PZP: variants seen among roughly 807,000 people sequenced by gnomAD.
The protein encoded by PZP is pregnancy zone protein.
PZP carries 150 observed loss-of-function variants against 179.8 expected under a neutral mutation model. The observed-to-expected ratio is 0.83, with a 90% confidence interval of 0.73 to 0.96. The LOEUF (loss-of-function observed/expected upper bound fraction) is 0.96, where lower values mean the gene tolerates loss of function less well. Ranked by LOEUF, PZP falls within the 40% of genes least tolerant of loss-of-function variation. PZP has a pLI of 0.00. For missense variants in PZP, 1,689 were observed against 1,764.0 expected (o/e 0.96, Z 0.76); for synonymous variants, 624 against 652.3 (o/e 0.96, Z 0.66).
intron 15 of PZP, among the ~76,000 whole-genome samples, chr12:9,174,333 G>A (rs1034020071): frequency 1.3e-5 from 2 of 151,764 alleles, no homozygotes; most frequent in Admixed American, 1.3e-4. Context: ...TACCTCATAA[G>A]AGCCATATAT....
chr12:9,199,621 GA>G (rs1195931472), intron 7 of PZP, among the ~76,000 whole-genome samples: 1 of 152,082 alleles, frequency 6.6e-6, no homozygotes, highest in East Asian at 1.9e-4. Context: ...AAGACTTCTA[GA>G]GGCCAACTGA....
intron 25 of PZP, 26 bp from the exon 26 acceptor site, chr12:9,158,602 G>A (rs1434182025): frequency 6.2e-7 from 1 of 1,611,190 alleles, no homozygotes; most frequent in Non-Finnish European, 8.5e-7. Context: ...ATGCAGTGCT[G>A]AGGCTCTTTT....
chr12:9,195,163 A>C (rs957111166), intron 10 of PZP, among the ~76,000 whole-genome samples: 8 of 152,192 alleles, frequency 5.3e-5, no homozygotes, highest in African/African-American at 1.9e-4. Context: ...TTGGATCTTC[A>C]AAAATTATTT....
At chr12:9,196,944 A>G in intron 8 of PZP, 68 bp downstream of exon 8, 2 of 1,205,694 alleles carry the variant, frequency 1.7e-6, no homozygotes, top group Non-Finnish European at 2.4e-6. Context: ...CCCTCTTTCT[A>G]GTTAGTAAAA....
At chr12:9,172,427 C>T (rs1255518618) in intron 15 of PZP, among the ~76,000 whole-genome samples, 1 of 152,082 alleles carries the variant, frequency 6.6e-6, no homozygotes, top group Non-Finnish European at 1.5e-5. Flanking sequence ...GAAGCAATCA[C>T]ATAAACAAGT....
chr12:9,196,252 G>A (rs777860769), intron 10 of PZP, 78 bp downstream of exon 10: 23 of 951,776 alleles, frequency 2.4e-5, no homozygotes, highest in Admixed American at 6.1e-5. Flanking sequence ...CACTAACCAA[G>A]TGTGGGCTGC....
Position 9,192,648 on chromosome 12 carries a change from G to T in PZP, c.1346C>A (p.Ser449Tyr). The change falls in exon 12 of 36, where the codon TCC (serine) becomes TAC (tyrosine). Residue 449 changes from serine to tyrosine, a missense_variant. By Grantham distance (144) the Ser-to-Tyr change is moderately radical (BLOSUM62 -2). Around this residue, in one of 3 missense-constraint regions of PZP, gnomAD observed 742 missense variants for 730.5 expected, o/e 1.02. Coordinates refer to ENST00000261336, the MANE Select transcript of PZP (RefSeq NM_002864.3). ...GAQHTANRVF[S>Y]LSGSYIHLEP... ...CAGGTGAATGTAACTTCCACTTAAGGAGAAAACACGATTTGCAGTGTGCTG... is the reference window on the plus strand; with the variant it reads ...CAGGTGAATGTAACTTCCACTTAAGTAGAAAACACGATTTGCAGTGTGCTG... The T allele has an allele frequency of 6.2e-7, 1 of 1,614,084 alleles. No homozygotes were observed. Among genetic ancestry groups the T allele is most frequent in the Non-Finnish European group, 8.5e-7 (1 of 1,179,930 alleles).
At chr12:9,200,860 G>A (rs1444013741) in intron 6 of PZP, 32 bp downstream of exon 6, 2 of 1,589,748 alleles carry the variant, frequency 1.3e-6, no homozygotes, top group Admixed American at 3.6e-5. Flanking sequence ...GAACCAAAAT[G>A]TTATGCCTTT....
intron 1 of PZP, 36 bp downstream of exon 1, chr12:9,208,223 C>A (rs561296973): frequency 1.3e-6 from 2 of 1,546,884 alleles, no homozygotes; most frequent in South Asian, 2.2e-5. Flanking sequence ...GAGACTGAAA[C>A]GCACTCTGGA....
chr12:9,196,994 A>G lies in PZP; in HGVS notation c.867+18T>C. The G allele has an allele frequency of 6.6e-7, 1 of 1,514,590 alleles. No individual in the cohort carries two copies. Among genetic ancestry groups the G allele is most frequent in the African/African-American group, 1.4e-5 (1 of 72,924 alleles). 93.8% of individuals were successfully genotyped at this position (1,514,590 alleles called of 1,614,324 possible). A position where few individuals can be genotyped will look rare whatever the true frequency, so the allele number is the denominator to read the frequency against. ...TTGTAAACAGTGATAGCACTGAGGG[A>G]GAATACCGCCTACTAACCTGTTGAC... On this transcript the variant is annotated intron_variant, in intron 8 of 35. Transcript: ENST00000261336.
chr12:9,151,161 G>A (rs1449634594), intron 33 of PZP, among the ~76,000 whole-genome samples: 2 of 152,216 alleles, frequency 1.3e-5, no homozygotes, highest in Non-Finnish European at 2.9e-5. Flanking sequence ...ATTTTATGGT[G>A]ACATTTTAGA....
chr12:9,169,284 T>C (rs1193317080), intron 16 of PZP, 146 bp downstream of exon 16: 1 of 831,606 alleles, frequency 1.2e-6, no homozygotes, highest in Admixed American at 3.3e-5. Context: ...CACAAGAGAC[T>C]TTAACCTTTT....
intron 13 of PZP, among the ~76,000 whole-genome samples, chr12:9,186,458 G>A (rs925548713): frequency 1.3e-5 from 2 of 152,246 alleles, no homozygotes; most frequent in South Asian, 4.1e-4. Context: ...GCACAGAGTG[G>A]CAAGCCAGAT....
intron 13 of PZP, among the ~76,000 whole-genome samples, chr12:9,188,010 G>C (rs1943232301): frequency 6.6e-6 from 1 of 152,138 alleles, no homozygotes; most frequent in African/African-American, 2.4e-5. Context: ...AGGAGAAGTG[G>C]GACTCACATA....
chr12:9,163,815 G>T, intron 20 of PZP, 26 bp from the exon 21 acceptor site: 2 of 1,605,516 alleles, frequency 1.2e-6, no homozygotes, highest in South Asian at 1.1e-5. Flanking sequence ...TTGAAAACAT[G>T]AGTATCCACT....
intron 21 of PZP, among the ~76,000 whole-genome samples, chr12:9,163,138 G>A (rs1026054362): frequency 6.6e-6 from 1 of 152,008 alleles, no homozygotes; most frequent in African/African-American, 2.4e-5. Context: ...AAGCTAATGG[G>A]TATGAGAGAT....
chr12:9,192,831 A>G, intron 11 of PZP, 92 bp from the exon 12 acceptor site: 1 of 803,644 alleles, frequency 1.2e-6, no homozygotes, highest in Non-Finnish European at 2.0e-6. Context: ...GGTGTCTTCC[A>G]CTCTAAAATA....
At chr12:9,147,559 A>G (rs777321057), downstream of PZP, among the ~76,000 whole-genome samples, 26 of 152,190 alleles carry the variant, frequency 1.7e-4, no homozygotes, top group African/African-American at 5.3e-4. Context: ...TTAGCCTTTG[A>G]ATTTCTCACA....
In PZP at chr12:9,166,161, C is replaced by G; in HGVS notation, c.2149G>C (p.Gly717Arg). 3.1e-6 allele frequency: 5 copies of G among 1,613,752 alleles called. 1 individual carries two copies. In the South Asian group the frequency reaches 5.5e-5, roughly 18 times the overall value. Residue 717 changes from glycine to arginine, a missense_variant, in exon 18 of 36, where the codon GGC (glycine) becomes CGC (arginine). Transcript: ENST00000261336. The part of the protein sequence containing the change: ...VVERPYVPQL[G>R]TYNVIPLNNE... ...TTTAAGGGTATCACATTATATGTGC[C>G]TAATTGAGGAACATATGGTCTCTCT...
Sources: gnomAD v4.1 joint callset for allele counts (sites outside exome capture counted in the v4.1 genomes callset) on GRCh38, gnomAD v4.1.1 for gene constraint, gnomAD v4.1.1 regional missense constraint, MANE v1.5 for transcripts, NCBI Gene and HGNC (gene_info 2026-07-23, HGNC 2026-07-21) for gene names.